The following SMC1B variants were observed in gnomAD, a reference collection of about 807,000 sequenced individuals.
SMC1B encodes structural maintenance of chromosomes 1B, also known as structural maintenance of chromosomes protein 1B.
A neutral mutation model predicts 157.9 loss-of-function variants in SMC1B; 60 were observed. That is an observed-to-expected ratio of 0.38 (90% CI 0.31 to 0.47). The LOEUF is 0.47. Among genes scored for constraint, SMC1B ranks in the 20% least tolerant of loss-of-function variants. SMC1B has a pLI of 0.99. For synonymous variants in SMC1B, 445 were observed against 483.0 expected (o/e 0.92, Z 1.03); for missense variants, 1,165 against 1,426.2 (o/e 0.82, Z 2.95).
chr22:45,394,573 C>A, intron 8 of SMC1B, 112 bp downstream of exon 8: 1 of 1,234,810 alleles, frequency 8.1e-7, no homozygotes. Flanking sequence ...GAAGTTGAGG[C>A]TACCGTAAGC....
At chr22:45,405,098 G>C (rs2087243216) in intron 4 of SMC1B, among the ~76,000 whole-genome samples, 6 of 152,082 alleles carry the variant, frequency 3.9e-5, no homozygotes, top group Admixed American at 3.9e-4. Context: ...GAGACTACCA[G>C]GTATGTAAAA....
rs1279899583 is a variant in SMC1B, at chr22:45,403,493, A to G, written c.616-922T>C. Among the ~76,000 whole-genome samples, 5 of 152,108 alleles carry G rather than the reference A, an allele frequency of 3.3e-5. No homozygotes were observed. The East Asian group carries it at 9.7e-4, about 29-fold the overall frequency. On this transcript the variant is annotated intron_variant, in intron 4 of 24. Transcript: ENST00000357450. ...GTTTGAAACAGAGTTTTGCTCTCTC[A>G]CCCAGGCTGGAATGCAATGGCACGA...
chr22:45,405,767 A>G (rs1324369421), intron 4 of SMC1B, among the ~76,000 whole-genome samples: 2 of 152,152 alleles, frequency 1.3e-5, no homozygotes, highest in Non-Finnish European at 2.9e-5. Context: ...GAGTCCCTGA[A>G]AACAAAATTA....
chr22:45,356,610 A>C (rs1307222776), intron 19 of SMC1B, among the ~76,000 whole-genome samples: 1 of 152,170 alleles, frequency 6.6e-6, no homozygotes, highest in African/African-American at 2.4e-5. Context: ...GTAGGCAGGA[A>C]ACAGTCAATT....
At chr22:45,377,860 T>G (rs2146806123) in intron 12 of SMC1B, among the ~76,000 whole-genome samples, 1 of 152,042 alleles carries the variant, frequency 6.6e-6, no homozygotes, top group African/African-American at 2.4e-5. Context: ...CTTTCCTTTT[T>G]TTTTTTGAGA....
intron 4 of SMC1B, among the ~76,000 whole-genome samples, 188 bp downstream of exon 4, chr22:45,406,272 G>A (rs2087258198): frequency 6.6e-6 from 1 of 152,096 alleles, no homozygotes; most frequent in Admixed American, 6.6e-5. Flanking sequence ...AGGCTGTCCT[G>A]CCTATTCGGA....
rs756966510 is a variant in SMC1B, at chr22:45,402,663, A to G, written c.616-92T>C. 116 of 833,736 alleles carry G rather than the reference A, an allele frequency of 1.4e-4. 1 individual carries two copies. The highest frequency in any genetic ancestry group is 1.9e-4 in the Non-Finnish European group (100 of 514,892). The allele number at this position is 833,736 out of a possible 1,614,324, so 51.6% of individuals were successfully genotyped here. ...AACTACTATACCAACAAATTAACTAATGAATGTTTATTTATTAGGACATAA... is the reference window on the plus strand; with the variant it reads ...AACTACTATACCAACAAATTAACTAGTGAATGTTTATTTATTAGGACATAA... On this transcript the variant is annotated intron_variant, in intron 4 of 24. Transcript: ENST00000357450.
intron 12 of SMC1B, among the ~76,000 whole-genome samples, chr22:45,375,655 A>C (rs565708780): frequency 6.6e-6 from 1 of 152,312 alleles, no homozygotes; most frequent in Non-Finnish European, 1.5e-5. Flanking sequence ...GTAGTATTTA[A>C]ACTAGGTCTG....
chr22:45,345,645 GTC>G, intron 23 of SMC1B, 76 bp from the exon 24 acceptor site: 1 of 869,696 alleles, frequency 1.1e-6, no homozygotes, highest in Non-Finnish European at 1.9e-6. Flanking sequence ...AATTCTGCAT[GTC>G]TCTGAGTCTG....
chr22:45,369,423 A>G (rs2086808232), intron 15 of SMC1B, among the ~76,000 whole-genome samples: 1 of 151,852 alleles, frequency 6.6e-6, no homozygotes, highest in Non-Finnish European at 1.5e-5. Flanking sequence ...AATAACCAGT[A>G]TACGTGTAAT....
chr22:45,394,086 T>C (rs1011014615), intron 8 of SMC1B, among the ~76,000 whole-genome samples: 2 of 151,444 alleles, frequency 1.3e-5, no homozygotes, highest in Admixed American at 1.3e-4. Context: ...CTTTGAGAGG[T>C]TGAGTGGGTG....
intron 9 of SMC1B, among the ~76,000 whole-genome samples, chr22:45,392,393 T>C (rs1399526976): frequency 6.6e-6 from 1 of 152,052 alleles, no homozygotes; most frequent in Admixed American, 6.6e-5. Context: ...AGCAATGCTA[T>C]ACTTCAATAC....
rs760916365 is a variant in SMC1B at position 45,406,795 on chromosome 22, C to A, written c.369G>T (p.Lys123Asn). ...TTTGTGCTTTGACTATTATGCCTAT[C>A]TTTTCCAACTCTGCAATGTAAACAG... ...SRSVYIAELE[K>N]IGIIVKAQNC... Residue 123 changes from lysine (K) to asparagine (N), a missense_variant, in exon 3 of 25, where the codon AAG becomes AAT. Physicochemically the swap from Lys to Asn is moderately conservative, Grantham distance 94. Coordinates refer to ENST00000357450, the MANE Select transcript of SMC1B (RefSeq NM_148674.5). 1 of 1,597,266 alleles carries A rather than the reference C, an allele frequency of 6.3e-7. No homozygotes were observed. The highest frequency in any genetic ancestry group is 1.2e-5 in the South Asian group (1 of 86,758).
At position 45,383,290 on chromosome 22, in the gene SMC1B, A is replaced by C. The variant is rs2350929; in HGVS notation, c.2058+177T>G. Reference sequence around the variant, plus strand: ...TGTATCAAACTGTGTTTAGTAAATAACTCTGAGATATAAGGAAGAGAGTAA... The same window carrying C: ...TGTATCAAACTGTGTTTAGTAAATACCTCTGAGATATAAGGAAGAGAGTAA... On this transcript the variant is annotated intron_variant, in intron 12 of 24. Transcript: ENST00000357450. 0.49 allele frequency among the ~76,000 whole-genome samples: 74,542 copies of C among 152,000 alleles called. 21,339 individuals are homozygous for C. The highest frequency in any genetic ancestry group is 0.8 in the African/African-American group (33,122 of 41,462).
At chr22:45,367,427 C>T (rs143783008) in intron 15 of SMC1B, among the ~76,000 whole-genome samples, 1 of 152,236 alleles carries the variant, frequency 6.6e-6, no homozygotes, top group Admixed American at 6.5e-5. Flanking sequence ...GATATCCTGA[C>T]AATTTGGGAA....
In SMC1B at chr22:45,376,242, A is replaced by T. The variant is rs375860410; in HGVS notation, c.2059-3950T>A. On this transcript the variant is annotated intron_variant, in intron 12 of 24. Coordinates refer to ENST00000357450, the MANE Select transcript of SMC1B (RefSeq NM_148674.5). ...ACTCATTCTCTCCCCTTCTACAGCCACTGGCAACCACTGGCCTCCTTTCTG... is the reference window on the plus strand; with the variant it reads ...ACTCATTCTCTCCCCTTCTACAGCCTCTGGCAACCACTGGCCTCCTTTCTG... 6.6e-5 allele frequency among the ~76,000 whole-genome samples: 10 copies of T among 152,262 alleles called. No individual in the cohort carries two copies. The South Asian group carries it at 8.3e-4, about 13-fold the overall frequency.
At position 45,412,295 on chromosome 22, in the gene SMC1B, G is replaced by A. The variant is rs569608633; in HGVS notation, c.109+1164C>T. ...GGCTCACTGCAACCTCTGCCTCCCG[G>A]GTTCAAGCGATTCTCCTGCCTCAGC... On this transcript the variant is annotated intron_variant, in intron 1 of 24. Transcript: ENST00000357450. Among the ~76,000 whole-genome samples the A allele has an allele frequency of 1.2e-3, 180 of 151,842 alleles. 1 individual carries two copies. The highest frequency in any genetic ancestry group is 4.3e-3 in the African/African-American group (177 of 41,368).
At chr22:45,375,626 CTAAT>C (rs2086876820) in intron 12 of SMC1B, among the ~76,000 whole-genome samples, 1 of 152,186 alleles carries the variant, frequency 6.6e-6, no homozygotes, top group African/African-American at 2.4e-5. Flanking sequence ...ATAATTTCCA[CTAAT>C]TAGTCTTTTA....
chr22:45,346,078 G>T (rs2086548842), intron 23 of SMC1B, among the ~76,000 whole-genome samples: 1 of 151,806 alleles, frequency 6.6e-6, no homozygotes, highest in South Asian at 2.1e-4. Context: ...GGTGGCAGGT[G>T]CCTATAATCC....
Sources: gnomAD v4.1 joint callset for allele counts (sites outside exome capture counted in the v4.1 genomes callset) on GRCh38, gnomAD v4.1.1 for gene constraint, MANE v1.5 for transcripts, NCBI Gene and HGNC (gene_info 2026-07-23, HGNC 2026-07-21) for gene names.